ABHD8: variants seen among roughly 807,000 people sequenced by gnomAD.
The protein encoded by ABHD8 is abhydrolase domain containing 8, also known as protein ABHD8.
Under a neutral mutation model 29.3 loss-of-function variants are expected in ABHD8, and 10 were observed. The observed-to-expected ratio is 0.34, with a 90% CI of 0.21 to 0.58. The LOEUF is 0.58. ABHD8 is among the 20% of genes least tolerant of loss of function. The probability of loss-of-function intolerance (pLI) is 0.85; values close to 1 mark genes in which losing one functional copy is unlikely to be tolerated. For synonymous variants in ABHD8, 282 were observed against 274.6 expected (o/e 1.03, Z -0.27); for missense variants, 556 against 615.3 (o/e 0.90, Z 1.02).
At chr19:17,294,958 C>G (rs1388153059) in intron 2 of ABHD8, 113 bp from the exon 3 acceptor site, 2 of 1,323,396 alleles carry the variant, frequency 1.5e-6, no homozygotes, top group East Asian at 2.6e-5. Flanking sequence ...CAGTTTTACT[C>G]TGTCCCCCAG....
chr19:17,298,081 A>AT (rs537479842), intron 2 of ABHD8: 17 of 149,762 alleles, frequency 1.1e-4, no homozygotes, highest in Non-Finnish European at 1.5e-4. Flanking sequence ...TGCCTGGCTA[A>AT]TTTTTTTTTG....
At chr19:17,295,733 G>A (rs1029114287) in intron 2 of ABHD8, among the ~76,000 whole-genome samples, 6 of 152,116 alleles carry the variant, frequency 3.9e-5, no homozygotes, top group African/African-American at 1.4e-4. Context: ...TTGAGACAAG[G>A]TTTCGCTGTC....
rs1249428776 is a variant in ABHD8 at position 17,301,401 on chromosome 19, G to A, written c.216C>T (p.Leu72=). ...GGCGCTGACAGCGGACCAAGCCGGA[G>A]AGGTCCCCCTGGGCTGCATCCGAGG... The part of the protein sequence containing the change: ...SASSDAAQGD[L]SGLVRCQRRI... Residue 72 remains leucine (L), a synonymous_variant, in exon 2 of 5, where the codon CTC becomes CTT. Coordinates refer to ENST00000247706, the MANE Select transcript of ABHD8 (RefSeq NM_024527.5). 6.2e-7 allele frequency: 1 copy of A among 1,612,002 alleles called. No individual in the cohort carries two copies. Among genetic ancestry groups the A allele is most frequent in the Admixed American group, 1.7e-5 (1 of 60,016 alleles).
At position 17,299,955 on chromosome 19, in the gene ABHD8, A is replaced by G. The variant is rs192950431; in HGVS notation, c.761+901T>C. Reference sequence around the variant, plus strand: ...CCTTCTGTCGCCCAGGCTGGAGTGCAGTGGCACAATATGATCTTGGCTCAC... The same window carrying G: ...CCTTCTGTCGCCCAGGCTGGAGTGCGGTGGCACAATATGATCTTGGCTCAC... On this transcript the variant is annotated intron_variant, in intron 2 of 4. Coordinates refer to ENST00000247706, the MANE Select transcript of ABHD8 (RefSeq NM_024527.5). Among the ~76,000 whole-genome samples the G allele has an allele frequency of 6.1e-5, 9 of 148,588 alleles. No individual in the cohort carries two copies. In the East Asian group the frequency reaches 1.2e-3, roughly 20 times the overall value.
intron 2 of ABHD8, among the ~76,000 whole-genome samples, chr19:17,295,090 A>ATTTTTTTTTTTT (rs779607230): frequency 1.2e-5 from 1 of 80,412 alleles, no homozygotes; most frequent in African/African-American, 4.9e-5. Context: ...CACCCAGGTA[A>ATTTTTTTTTTTT]TTTTTTTTTT....
chr19:17,301,409 C>T lies in ABHD8; in HGVS notation c.208G>A (p.Gly70Arg), dbSNP rs3745186. 130,829 of 1,611,886 alleles carry T rather than the reference C, an allele frequency of 0.081. 6,694 individuals are homozygous for T. The highest frequency in any genetic ancestry group is 0.23 in the African/African-American group (17,381 of 75,010). ...CAGCGGACCAAGCCGGAGAGGTCCC[C>T]CTGGGCTGCATCCGAGGATGCGGAT... ...PSSASSDAAQ[G>R]DLSGLVRCQR... Residue 70 changes from glycine (G) to arginine (R), a missense_variant, in exon 2 of 5, where the codon GGG becomes AGG. Coordinates refer to ENST00000247706, the MANE Select transcript of ABHD8 (RefSeq NM_024527.5).
At chr19:17,294,562 G>T in intron 3 of ABHD8, 58 bp from the exon 4 acceptor site, 2 of 1,609,974 alleles carry the variant, frequency 1.2e-6, no homozygotes, top group Non-Finnish European at 1.7e-6. Context: ...GCCGTGGGGT[G>T]CCCCCGATGC....
chr19:17,297,727 CTTCT>C (rs1033574007), intron 2 of ABHD8: 57 of 148,250 alleles, frequency 3.8e-4, no homozygotes, highest in African/African-American at 1.3e-3. Context: ...ACTTATGTAA[CTTCT>C]TTGTTTTCTT....
chr19:17,294,944 G>C (rs539036741), intron 2 of ABHD8, 99 bp from the exon 3 acceptor site: 62 of 1,429,658 alleles, frequency 4.3e-5, no homozygotes, highest in Non-Finnish European at 4.8e-6. Flanking sequence ...GTTTTTGTTT[G>C]AGACAGTTTT....
rs1355246440 is a variant in ABHD8, at chr19:17,301,770, T to TTTGG, written c.-8-147_-8-146insCCAA. ...CAAGTGAGCCACGGCACTGAGATTT[T>TTTGG]TTTGTTTGTGTGTGTGTGTGTGTGT... On this transcript the variant is annotated intron_variant, in intron 1 of 4. Coordinates refer to ENST00000247706, the MANE Select transcript of ABHD8 (RefSeq NM_024527.5). The TTTGG allele has an allele frequency of 1.7e-5, 15 of 907,316 alleles. No homozygotes were observed. In the African/African-American group the frequency reaches 3.3e-4, roughly 20 times the overall value. 56.2% of individuals were successfully genotyped at this position (907,316 alleles called of 1,614,324 possible).
chr19:17,296,919 T>C (rs1307113386), intron 2 of ABHD8, among the ~76,000 whole-genome samples: 1 of 152,166 alleles, frequency 6.6e-6, no homozygotes, highest in Non-Finnish European at 1.5e-5. Flanking sequence ...GGTCTTGAAC[T>C]CCCGACCTCA....
chr19:17,294,181 A>G (rs2074082924), intron 4 of ABHD8, 107 bp downstream of exon 4: 3 of 1,372,606 alleles, frequency 2.2e-6, no homozygotes, highest in Middle Eastern at 2.6e-4. Flanking sequence ...CCCCTCGGGA[A>G]GAAAGCACGC....
chr19:17,292,408 C>A lies in ABHD8; in HGVS notation c.*253G>T, dbSNP rs2074074279. The A allele has an allele frequency of 1.9e-6, 1 of 520,448 alleles. No individual in the cohort carries two copies. The highest frequency in any genetic ancestry group is 2.0e-5 in the African/African-American group (1 of 49,230). 32.2% of individuals were successfully genotyped at this position (520,448 alleles called of 1,614,324 possible). ...AGGGAGAGCTTCTGTACAAGGTCAT[C>A]TTCCGTGAGGGTCCCGGCTGCGGCC... On this transcript the variant is annotated 3_prime_UTR_variant, in exon 5 of 5. Coordinates refer to ENST00000247706, the MANE Select transcript of ABHD8 (RefSeq NM_024527.5).
At chr19:17,294,162 C>A (rs2074082854) in intron 4 of ABHD8, 126 bp downstream of exon 4, 3 of 1,206,296 alleles carry the variant, frequency 2.5e-6, no homozygotes, top group Admixed American at 2.5e-5. Flanking sequence ...GCCCACCCGG[C>A]AGCCACGCCC....
intron 4 of ABHD8, among the ~76,000 whole-genome samples, chr19:17,293,639 G>A (rs190600852): frequency 2.0e-5 from 3 of 151,494 alleles, no homozygotes; most frequent in Admixed American, 2.0e-4. Flanking sequence ...CTTGGGGGCA[G>A]AATCCTCCTT....
rs537139145 is a variant in ABHD8, at chr19:17,292,909, A to G, written c.1150-78T>C. ...CCAGGCTTCCCTGGGACTCCGCCAT[A>G]CACACATGGCCCACAGCATCCAAAA... is the stretch of plus-strand genomic sequence containing the variant. On this transcript the variant is annotated intron_variant, in intron 4 of 4. Transcript: ENST00000247706. The G allele has an allele frequency of 6.7e-5, 99 of 1,478,864 alleles. 1 individual carries two copies. In the South Asian group the frequency reaches 1.2e-3, roughly 17 times the overall value. 91.6% of individuals were successfully genotyped at this position (1,478,864 alleles called of 1,614,324 possible).
chr19:17,294,136 A>G (rs893646527), intron 4 of ABHD8, 152 bp downstream of exon 4: 16 of 890,948 alleles, frequency 1.8e-5, no homozygotes, highest in Admixed American at 1.1e-4. Flanking sequence ...AACAAGATAC[A>G]GCAACTAGAG....
At position 17,301,212 on chromosome 19, in the gene ABHD8, G is replaced by A. The variant is rs1001048620; in HGVS notation, c.405C>T (p.Ser135=). The A allele has an allele frequency of 3.0e-5, 48 of 1,594,366 alleles. No homozygotes were observed. Among genetic ancestry groups the A allele is most frequent in the Non-Finnish European group, 3.8e-5 (45 of 1,173,850 alleles). Residue 135 remains serine (S), a synonymous_variant, in exon 2 of 5, where the codon AGC becomes AGT. Coordinates refer to ENST00000247706, the MANE Select transcript of ABHD8 (RefSeq NM_024527.5). ...AGSDGRLAPG[S]AGSGSGSGSG... is the part of the protein sequence containing the mutation. ...TGCCACTGCCGCTGCCGCTGCCTGC[G>A]CTGCCGGGGGCCAAGCGGCCATCGC...
At chr19:17,295,739 CT>C (rs1388261511) in intron 2 of ABHD8, among the ~76,000 whole-genome samples, 1 of 152,102 alleles carries the variant, frequency 6.6e-6, no homozygotes, top group Non-Finnish European at 1.5e-5. Flanking sequence ...CAAGGTTTCG[CT>C]GTCGCCTAGG....
Sources: gnomAD v4.1 joint callset for allele counts (sites outside exome capture counted in the v4.1 genomes callset) on GRCh38, gnomAD v4.1.1 for gene constraint, MANE v1.5 for transcripts, NCBI Gene and HGNC (gene_info 2026-07-23, HGNC 2026-07-21) for gene names.